The following FHIT variants were observed in gnomAD, a reference collection of about 807,000 sequenced individuals.
The protein encoded by FHIT is fragile histidine triad diadenosine triphosphatase.
In FHIT, 19 loss-of-function variants were observed where a neutral mutation model predicts 17.9. The observed-to-expected ratio is 1.06, with a 90% confidence interval of 0.74 to 1.56. The LOEUF is 1.56. Among genes scored for constraint, FHIT ranks in the 40% most tolerant of loss-of-function variants. The pLI is 0.00. For missense variants in FHIT, 248 were observed against 189.2 expected (o/e 1.31, Z -1.82); for synonymous variants, 81 against 69.7 (o/e 1.16, Z -0.81).
intron 5 of FHIT, among the ~76,000 whole-genome samples, chr3:60,482,016 G>A (rs527703773): frequency 1.3e-5 from 2 of 152,132 alleles, no homozygotes; most frequent in Admixed American, 1.3e-4. Context: ...AGAAAGCAGA[G>A]CTTGCAGTCC....
rs61056807 is a variant in FHIT at position 60,772,314 on chromosome 3, C to CTATATATATA, written c.-18+49595_-18+49604dup. On this transcript the variant is annotated intron_variant, in intron 4 of 9. Transcript: ENST00000492590. ...ATTAAGTAGATTGTTCACTTCTCAT[C>CTATATATATA]TATATATATATATATATATATATAT... 1.1e-3 allele frequency among the ~76,000 whole-genome samples: 161 copies of CTATATATATA among 143,276 alleles called. 1 individual carries two copies. Among genetic ancestry groups the CTATATATATA allele is most frequent in the South Asian group, 3.3e-3 (14 of 4,230 alleles). 94.0% of individuals were successfully genotyped at this position (143,276 alleles called of 152,430 possible).
intron 4 of FHIT, among the ~76,000 whole-genome samples, chr3:60,821,606 A>C (rs192739159): frequency 1.3e-5 from 2 of 152,230 alleles, no homozygotes; most frequent in Admixed American, 6.5e-5. Context: ...GGAGGATAAT[A>C]TAATGGCATG....
intron 5 of FHIT, among the ~76,000 whole-genome samples, chr3:60,090,544 ATCTCCTGTGT>A (rs1233030408): frequency 1.3e-5 from 2 of 152,182 alleles, no homozygotes; most frequent in Non-Finnish European, 2.9e-5. Flanking sequence ...CATATAATAT[ATCTCCTGTGT>A]TCTCTTTCTT....
At chr3:60,411,850 C>G (rs892395165) in intron 5 of FHIT, among the ~76,000 whole-genome samples, 2 of 152,018 alleles carry the variant, frequency 1.3e-5, no homozygotes, top group African/African-American at 4.8e-5. Context: ...CTAGTAGAAA[C>G]AATTCCCAAA....
intron 5 of FHIT, among the ~76,000 whole-genome samples, chr3:60,029,841 G>A (rs1700912281): frequency 6.7e-6 from 1 of 148,838 alleles, no homozygotes; most frequent in Non-Finnish European, 1.5e-5. Context: ...GAAAGAGGTT[G>A]GACAGGCAGT....
intron 4 of FHIT, among the ~76,000 whole-genome samples, chr3:60,803,394 G>A (rs1019176745): frequency 4.6e-5 from 7 of 152,192 alleles, no homozygotes; most frequent in Non-Finnish European, 4.4e-5. Flanking sequence ...TAGAGGTTTT[G>A]TGAGCATTTT....
chr3:61,118,122 T>C (rs2036354034), intron 2 of FHIT, among the ~76,000 whole-genome samples: 1 of 152,226 alleles, frequency 6.6e-6, no homozygotes, highest in Non-Finnish European at 1.5e-5. Context: ...AATGTTGTAG[T>C]ATAATTTGGT....
chr3:60,826,631 G>A lies in FHIT; in HGVS notation c.-110-4620C>T, dbSNP rs567552977. 1.1e-4 allele frequency among the ~76,000 whole-genome samples: 17 copies of A among 152,264 alleles called. No individual in the cohort carries two copies. The South Asian group carries it at 3.3e-3, about 30-fold the overall frequency. ...GATTCCTAGCAGACTGTCTCAGCGT[G>A]GAGGGCTGAATTTCAGTTCAGCCCG... On this transcript the variant is annotated intron_variant, in intron 3 of 9. Coordinates refer to ENST00000492590, the MANE Select transcript of FHIT (RefSeq NM_002012.4).
intron 7 of FHIT, among the ~76,000 whole-genome samples, chr3:59,955,121 G>A (rs1014222819): frequency 3.3e-5 from 5 of 152,154 alleles, no homozygotes; most frequent in South Asian, 2.1e-4. Flanking sequence ...AGTAGCTATC[G>A]TACAGCGTAG....
At chr3:60,457,194 C>T (rs1272220874) in intron 5 of FHIT, among the ~76,000 whole-genome samples, 10 of 152,094 alleles carry the variant, frequency 6.6e-5, no homozygotes, top group Non-Finnish European at 1.3e-4. Flanking sequence ...TACAAGGCTA[C>T]AGTAACCAAA....
At chr3:60,937,755 G>A (rs1286962196) in intron 3 of FHIT, among the ~76,000 whole-genome samples, 1 of 151,774 alleles carries the variant, frequency 6.6e-6, no homozygotes, top group Admixed American at 6.6e-5. Flanking sequence ...GTAGAGATGG[G>A]GTTTCACCAC....
intron 5 of FHIT, among the ~76,000 whole-genome samples, chr3:60,055,972 G>C (rs1702064757): frequency 6.6e-6 from 1 of 152,168 alleles, no homozygotes; most frequent in Non-Finnish European, 1.5e-5. Context: ...TGAAATACCA[G>C]CTTTAAGTTG....
At chr3:60,604,420 A>C (rs1407872645) in intron 4 of FHIT, among the ~76,000 whole-genome samples, 1 of 152,182 alleles carries the variant, frequency 6.6e-6, no homozygotes, top group Non-Finnish European at 1.5e-5. Context: ...AGTTGGGGCC[A>C]CCCACAGAGC....
intron 5 of FHIT, among the ~76,000 whole-genome samples, chr3:60,503,348 G>A (rs980596229): frequency 6.6e-6 from 1 of 152,054 alleles, no homozygotes; most frequent in Non-Finnish European, 1.5e-5. Flanking sequence ...TTTATTGTAT[G>A]TCCACTCATT....
In FHIT at chr3:60,359,605, T is replaced by A. The variant is rs113890002; in HGVS notation, c.103+177255A>T. Among the ~76,000 whole-genome samples the A allele has an allele frequency of 5.0e-3, 759 of 152,298 alleles. 5 individuals are homozygous for A. Among genetic ancestry groups the A allele is most frequent in the South Asian group, 9.7e-3 (47 of 4,832 alleles). The stretch of plus-strand genomic sequence containing the variant: ...GAATATCAAAATATCTTTTTCGAAT[T>A]CTGTGACAGCCCATGACCCCTTCAC... On this transcript the variant is annotated intron_variant, in intron 5 of 9. Coordinates refer to ENST00000492590, the MANE Select transcript of FHIT (RefSeq NM_002012.4).
intron 8 of FHIT, among the ~76,000 whole-genome samples, chr3:59,785,649 G>T (rs1702817843): frequency 6.6e-6 from 1 of 152,084 alleles, no homozygotes; most frequent in African/African-American, 2.4e-5. Flanking sequence ...CATGTATTCA[G>T]GTAGAAAAAG....
intron 5 of FHIT, among the ~76,000 whole-genome samples, chr3:60,349,095 T>C (rs116396697): frequency 0.013 from 2,035 of 152,308 alleles, 39 homozygotes; most frequent in African/African-American, 0.047. Flanking sequence ...ATTCTCCAAA[T>C]AGAACATCAG....
At chr3:60,822,961 C>A (rs953171441) in intron 3 of FHIT, among the ~76,000 whole-genome samples, 4 of 152,164 alleles carry the variant, frequency 2.6e-5, no homozygotes, top group African/African-American at 4.8e-5. Context: ...CCAATTCATT[C>A]CCTAGGATCT....
At chr3:60,016,473 A>C (rs557302577) in intron 5 of FHIT, among the ~76,000 whole-genome samples, 3 of 152,070 alleles carry the variant, frequency 2.0e-5, no homozygotes, top group Non-Finnish European at 4.4e-5. Context: ...CAACCTACTC[A>C]CTCATCCATC....
Sources: gnomAD v4.1 joint callset for allele counts (sites outside exome capture counted in the v4.1 genomes callset) on GRCh38, gnomAD v4.1.1 for gene constraint, MANE v1.5 for transcripts, NCBI Gene and HGNC (gene_info 2026-07-23, HGNC 2026-07-21) for gene names.